The following CYTH1 variants were observed in gnomAD, a reference collection of about 807,000 sequenced individuals.
CYTH1 encodes cytohesin 1, also known as cytohesin-1.
Under a neutral mutation model 61.8 loss-of-function variants are expected in CYTH1, and 18 were observed. The observed-to-expected ratio is 0.29, with a 90% CI of 0.20 to 0.43. CYTH1 has a LOEUF of 0.43. Among genes scored for constraint, CYTH1 ranks in the 20% least tolerant of loss-of-function variants. The pLI is 1.00. For missense variants in CYTH1, 336 were observed against 510.5 expected, an observed-to-expected ratio of 0.66 and a Z score of 3.29; for synonymous variants, 174 against 184.3, an observed-to-expected ratio of 0.94 and a Z score of 0.45.
chr17:78,688,931 G>A (rs774359031), intron 11 of CYTH1, among the ~76,000 whole-genome samples: 12 of 152,138 alleles, frequency 7.9e-5, no homozygotes, highest in Admixed American at 3.3e-4. Flanking sequence ...CAGTCTTGGC[G>A]TGTTCTGCTG....
chr17:78,697,947 G>GT (rs1202177286), intron 9 of CYTH1, among the ~76,000 whole-genome samples: 1 of 152,230 alleles, frequency 6.6e-6, no homozygotes, highest in Non-Finnish European at 1.5e-5. Context: ...TTATGGTGGA[G>GT]TAAGTCTGTC....
Position 78,782,261 on chromosome 17 carries a change from C to G in CYTH1, c.-38G>C. ...GGGCTCCGCGCTCCGGCTCGCCGCT[C>G]GCGTCCCGCCGCGCCACCCGCGCCC... On this transcript the variant is annotated 5_prime_UTR_variant, in exon 1 of 14. Coordinates refer to ENST00000446868, the MANE Select transcript of CYTH1 (RefSeq NM_004762.6). 2 of 1,226,058 alleles carry G rather than the reference C, an allele frequency of 1.6e-6. No individual in the cohort carries two copies. Among genetic ancestry groups the G allele is most frequent in the Non-Finnish European group, 2.1e-6 (2 of 971,438 alleles). The allele number at this position is 1,226,058 out of a possible 1,614,324, so 75.9% of individuals were successfully genotyped here.
intron 12 of CYTH1, among the ~76,000 whole-genome samples, chr17:78,680,729 T>C (rs542001502): frequency 6.6e-6 from 1 of 152,308 alleles, no homozygotes; most frequent in East Asian, 1.9e-4. Context: ...GCCGCTGCCA[T>C]TGCAGGAGGG....
intron 1 of CYTH1, among the ~76,000 whole-genome samples, chr17:78,777,503 C>G (rs1199188410): frequency 6.6e-6 from 1 of 152,164 alleles, no homozygotes; most frequent in Non-Finnish European, 1.5e-5. Flanking sequence ...CTGAACCAAA[C>G]TGTCCCTATC....
chr17:78,759,670 C>G (rs1195064993), intron 1 of CYTH1, among the ~76,000 whole-genome samples: 1 of 152,222 alleles, frequency 6.6e-6, no homozygotes, highest in Non-Finnish European at 1.5e-5. Context: ...AAGCGGAATA[C>G]TGAATGGCTT....
At chr17:78,746,577 C>T (rs1267713065) in intron 1 of CYTH1, among the ~76,000 whole-genome samples, 1 of 152,160 alleles carries the variant, frequency 6.6e-6, no homozygotes, top group Non-Finnish European at 1.5e-5. Context: ...TCTGAAAGAG[C>T]CTAACACTTT....
chr17:78,754,161 C>A (rs1352920814), intron 1 of CYTH1, among the ~76,000 whole-genome samples: 1 of 152,084 alleles, frequency 6.6e-6, no homozygotes, highest in Admixed American at 6.6e-5. Flanking sequence ...TAGATAAACT[C>A]GGAAAGGAAA....
At chr17:78,715,195 G>C (rs2093170370) in intron 1 of CYTH1, among the ~76,000 whole-genome samples, 2 of 152,154 alleles carry the variant, frequency 1.3e-5, no homozygotes, top group South Asian at 2.1e-4. Context: ...TGATTAATCA[G>C]ACCACCCACG....
intron 1 of CYTH1, 48 bp downstream of exon 1, chr17:78,782,154 G>T: frequency 7.5e-7 from 1 of 1,333,890 alleles, no homozygotes. Context: ...GCCCGGAGGG[G>T]ACTGGGGGAC....
chr17:78,760,984 C>T (rs1424028851), intron 1 of CYTH1, among the ~76,000 whole-genome samples: 3 of 152,048 alleles, frequency 2.0e-5, no homozygotes, highest in Non-Finnish European at 4.4e-5. Flanking sequence ...TACAGGCATG[C>T]ACCACCACAC....
chr17:78,773,172 A>C (rs2093478414), intron 1 of CYTH1, among the ~76,000 whole-genome samples: 1 of 152,100 alleles, frequency 6.6e-6, no homozygotes, highest in African/African-American at 2.4e-5. Context: ...AGACCAATAC[A>C]ATCTGTTTAA....
chr17:78,698,246 C>G, intron 9 of CYTH1, 23 bp downstream of exon 9: 1 of 1,586,426 alleles, frequency 6.3e-7, no homozygotes, highest in African/African-American at 1.3e-5. Context: ...GCTTTAGGAG[C>G]CCTGACTCAG....
intron 1 of CYTH1, among the ~76,000 whole-genome samples, chr17:78,732,269 C>G (rs2093299067): frequency 6.6e-6 from 1 of 152,184 alleles, no homozygotes; most frequent in African/African-American, 2.4e-5. Flanking sequence ...TCCCTCCTGT[C>G]TAATCAGACT....
intron 1 of CYTH1, among the ~76,000 whole-genome samples, chr17:78,745,667 G>A (rs888665260): frequency 1.2e-4 from 19 of 152,196 alleles, no homozygotes; most frequent in African/African-American, 4.6e-4. Context: ...GCCGAGGCGG[G>A]TGGATCACAA....
intron 1 of CYTH1, among the ~76,000 whole-genome samples, chr17:78,760,813 C>A (rs1211811293): frequency 6.6e-6 from 1 of 151,646 alleles, no homozygotes; most frequent in African/African-American, 2.4e-5. Flanking sequence ...CAAAATATAT[C>A]CCAGATGCTC....
chr17:78,678,846 A>G (rs1382704242), intron 13 of CYTH1, among the ~76,000 whole-genome samples: 2 of 152,230 alleles, frequency 1.3e-5, no homozygotes, highest in Non-Finnish European at 2.9e-5. Context: ...ATCACACAGA[A>G]GAGGTAGGTT....
chr17:78,715,521 G>C (rs1211802385), intron 1 of CYTH1, among the ~76,000 whole-genome samples: 1 of 152,126 alleles, frequency 6.6e-6, no homozygotes, highest in African/African-American at 2.4e-5. Flanking sequence ...GGCTGCCAGA[G>C]GAATGCCATC....
chr17:78,698,592 C>G lies in CYTH1; in HGVS notation c.700-212G>C, dbSNP rs557173544. 3.9e-5 allele frequency among the ~76,000 whole-genome samples: 6 copies of G among 152,260 alleles called. No homozygotes were observed. In the South Asian group the frequency reaches 1.2e-3, roughly 32 times the overall value. On this transcript the variant is annotated intron_variant, in intron 8 of 13. Coordinates refer to ENST00000446868, the MANE Select transcript of CYTH1 (RefSeq NM_004762.6). Reference sequence around the variant, plus strand: ...CCCAATTAGGAAAATAAAGAAGCAGCCTGACTTCTATTCAAGCTTTTAGTT... The same window carrying G: ...CCCAATTAGGAAAATAAAGAAGCAGGCTGACTTCTATTCAAGCTTTTAGTT...
At chr17:78,721,893 C>T (rs538589602) in intron 1 of CYTH1, among the ~76,000 whole-genome samples, 201 of 152,098 alleles carry the variant, frequency 1.3e-3, no homozygotes, top group Non-Finnish European at 1.8e-3. Context: ...CAAAAATATA[C>T]AAAATTAGCC....
Sources: allele counts gnomAD v4.1 joint callset (sites outside exome capture counted in the v4.1 genomes callset), GRCh38; gene constraint gnomAD v4.1.1; transcripts MANE v1.5; gene names NCBI Gene and HGNC (gene_info 2026-07-23, HGNC 2026-07-21).